DENND2B: variants seen among roughly 807,000 people sequenced by gnomAD.
The protein encoded by DENND2B is DENN domain containing 2B, also known as DENN domain-containing protein 2B.
Under a neutral mutation model 116.0 loss-of-function variants are expected in DENND2B, and 32 were observed. That is an observed-to-expected ratio of 0.28 (90% CI 0.21 to 0.37). DENND2B has a LOEUF of 0.37. Among genes scored for constraint, DENND2B ranks in the 10% least tolerant of loss-of-function variants. DENND2B has a pLI of 1.00. For missense variants in DENND2B, 1,276 were observed against 1,477.7 expected (o/e 0.86, Z 2.24); for synonymous variants, 588 against 583.9 (o/e 1.01, Z -0.10).
intron 1 of DENND2B, among the ~76,000 whole-genome samples, chr11:8,779,016 C>T (rs2058056212): frequency 6.6e-6 from 1 of 152,208 alleles, no homozygotes; most frequent in Non-Finnish European, 1.5e-5. Flanking sequence ...TTATTGATCA[C>T]CACTTTGTTT....
chr11:8,800,628 C>T (rs551227180), intron 1 of DENND2B, among the ~76,000 whole-genome samples: 1 of 152,330 alleles, frequency 6.6e-6, no homozygotes, highest in Admixed American at 6.5e-5. Context: ...CTGCCCTAGG[C>T]CTGTCTGGGC....
chr11:8,804,050 C>T (rs1167458240), intron 1 of DENND2B, among the ~76,000 whole-genome samples: 2 of 152,224 alleles, frequency 1.3e-5, no homozygotes. Context: ...GTCTCCCCGT[C>T]TGTGAGGAGT....
intron 4 of DENND2B, among the ~76,000 whole-genome samples, chr11:8,824,155 G>A (rs761844787): frequency 7.2e-5 from 11 of 151,726 alleles, no homozygotes; most frequent in Non-Finnish European, 1.5e-4. Context: ...GCCCAACTAG[G>A]CCTCCCAAAG....
At chr11:8,715,097 C>T (rs2044486795) in intron 6 of DENND2B, among the ~76,000 whole-genome samples, 1 of 152,206 alleles carries the variant, frequency 6.6e-6, no homozygotes, top group Non-Finnish European at 1.5e-5. Context: ...TGGGCCATAA[C>T]CTGGGGCCCC....
At chr11:8,728,349 C>A (rs951237074) in intron 3 of DENND2B, among the ~76,000 whole-genome samples, 1 of 152,062 alleles carries the variant, frequency 6.6e-6, no homozygotes, top group Non-Finnish European at 1.5e-5. Context: ...AAGAATCACA[C>A]TTGGTATAAC....
chr11:8,740,838 A>G lies in DENND2B; in HGVS notation c.81-9629T>C, dbSNP rs535190176. 3.3e-5 allele frequency among the ~76,000 whole-genome samples: 5 copies of G among 152,314 alleles called. No individual in the cohort carries two copies. The South Asian group carries it at 1.0e-3, about 32-fold the overall frequency. On this transcript the variant is annotated intron_variant, in intron 2 of 19. Transcript: ENST00000313726. ...CTCCTGCCACTCAGTGACTGCCCCA[A>G]TTCTGGGGATGGCATTCTCACTGCG... is the stretch of plus-strand genomic sequence containing the variant.
At chr11:8,710,810 G>T in intron 11 of DENND2B, 35 bp downstream of exon 11, 1 of 1,580,510 alleles carries the variant, frequency 6.3e-7, no homozygotes. Context: ...CCTATCCCCT[G>T]CCTGCTGGCC....
chr11:8,889,896 G>T (rs1018178690), intron 1 of DENND2B, among the ~76,000 whole-genome samples: 42 of 152,154 alleles, frequency 2.8e-4, no homozygotes, highest in Non-Finnish European at 5.4e-4. Context: ...AGAGAGTAGT[G>T]GTTCTCCAAG....
intron 4 of DENND2B, among the ~76,000 whole-genome samples, chr11:8,818,552 T>C (rs1035273386): frequency 1.3e-5 from 2 of 152,100 alleles, no homozygotes; most frequent in African/African-American, 2.4e-5. Context: ...TCCTCAATCC[T>C]AGCTCCCCTC....
At chr11:8,868,015 G>GA (rs11394263) in intron 2 of DENND2B, among the ~76,000 whole-genome samples, 83,664 of 151,950 alleles carry the variant, frequency 0.55, 23,214 homozygotes, top group Middle Eastern at 0.74. Flanking sequence ...AGTCATGAAA[G>GA]AAAAAACCAA....
intron 2 of DENND2B, among the ~76,000 whole-genome samples, chr11:8,870,509 A>G (rs991781373): frequency 2.7e-5 from 4 of 149,934 alleles, no homozygotes; most frequent in Non-Finnish European, 5.9e-5. Flanking sequence ...GTGCGTGTGT[A>G]TGTGTGTGTG....
At chr11:8,792,945 A>G (rs1032529937) in intron 1 of DENND2B, among the ~76,000 whole-genome samples, 1 of 152,200 alleles carries the variant, frequency 6.6e-6, no homozygotes, top group African/African-American at 2.4e-5. Context: ...AATAAAATAC[A>G]AGTACTAGGA....
intron 1 of DENND2B, among the ~76,000 whole-genome samples, chr11:8,780,937 A>T (rs932566867): frequency 1.1e-4 from 16 of 152,170 alleles, no homozygotes; most frequent in Non-Finnish European, 2.9e-5. Context: ...CTAAGAGGCT[A>T]CACAGGCAGA....
chr11:8,746,416 A>C (rs1478560682), intron 2 of DENND2B, among the ~76,000 whole-genome samples: 2 of 152,242 alleles, frequency 1.3e-5, no homozygotes, highest in African/African-American at 4.8e-5. Context: ...TGAGCCAGAT[A>C]TATCTCAAGA....
chr11:8,736,818 C>A lies in DENND2B; in HGVS notation c.81-5609G>T, dbSNP rs188962604. Among the ~76,000 whole-genome samples, 1,424 of 152,220 alleles carry A rather than the reference C, an allele frequency of 9.4e-3. 27 individuals are homozygous for A. The highest frequency in any genetic ancestry group is 0.032 in the African/African-American group (1,336 of 41,534). On this transcript the variant is annotated intron_variant, in intron 2 of 19. Coordinates refer to ENST00000313726, the MANE Select transcript of DENND2B (RefSeq NM_213618.2). ...ACCAGAAGCCACATTATGGAAGGCCCCATGGGCCACTGATAAGACTTGGGC... is the reference window on the plus strand; with the variant it reads ...ACCAGAAGCCACATTATGGAAGGCCACATGGGCCACTGATAAGACTTGGGC...
chr11:8,886,932 G>A (rs772596263), intron 1 of DENND2B, among the ~76,000 whole-genome samples: 143 of 152,176 alleles, frequency 9.4e-4, no homozygotes, highest in Middle Eastern at 3.4e-3. Context: ...GGGTTCAAGC[G>A]ATTCTCCTGC....
At chr11:8,820,819 G>A (rs2061731781) in intron 4 of DENND2B, among the ~76,000 whole-genome samples, 1 of 152,138 alleles carries the variant, frequency 6.6e-6, no homozygotes, top group Non-Finnish European at 1.5e-5. Context: ...CTATTGTGCA[G>A]CCATTGTAAG....
At chr11:8,861,087 A>C (rs1049115479) in intron 2 of DENND2B, among the ~76,000 whole-genome samples, 5 of 152,314 alleles carry the variant, frequency 3.3e-5, no homozygotes, top group Middle Eastern at 3.4e-3. Context: ...AAAATTCTAA[A>C]AGAAAACTTA....
chr11:8,716,151 G>C (rs969694188), intron 5 of DENND2B, among the ~76,000 whole-genome samples: 2 of 152,198 alleles, frequency 1.3e-5, no homozygotes, highest in Non-Finnish European at 2.9e-5. Flanking sequence ...AAGAATTACT[G>C]GGCCTGGGTG....
Sources: allele counts gnomAD v4.1 joint callset (sites outside exome capture counted in the v4.1 genomes callset), GRCh38; gene constraint gnomAD v4.1.1; transcripts MANE v1.5; gene names NCBI Gene and HGNC (gene_info 2026-07-23, HGNC 2026-07-21).